PCDH11X: variants seen among roughly 807,000 people sequenced by gnomAD.
PCDH11X encodes protocadherin-11 X-linked.
In PCDH11X, 18 loss-of-function variants were observed where a neutral mutation model predicts 53.3. The observed-to-expected ratio is 0.34, with a 90% CI of 0.23 to 0.50. The LOEUF is 0.50. Among genes scored for constraint, PCDH11X ranks in the 20% least tolerant of loss-of-function variants. PCDH11X has a pLI of 0.98. For synonymous variants in PCDH11X, 279 were observed against 393.3 expected, an observed-to-expected ratio of 0.71 and a Z score of 3.44; for missense variants, 570 against 1,032.4, an observed-to-expected ratio of 0.55 and a Z score of 6.14.
chrX:92,443,447 G>T (rs1460391465), intron 9 of PCDH11X, among the ~76,000 whole-genome samples: 3 of 111,667 alleles, frequency 2.7e-5, no homozygotes, highest in African/African-American at 9.8e-5. Flanking sequence ...TGCATAGTTT[G>T]CAAATATTTT....
chrX:92,113,562 G>A (rs1262334996), intron 6 of PCDH11X: 64 of 1,196,504 alleles, frequency 5.3e-5, no homozygotes, highest in East Asian at 1.5e-4. Flanking sequence ...CATGCATGGC[G>A]GAGACAGTGA....
At chrX:91,967,289 G>A (rs1378082432) in intron 6 of PCDH11X, among the ~76,000 whole-genome samples, 2 of 110,150 alleles carry the variant, frequency 1.8e-5, no homozygotes, top group East Asian at 2.9e-4. Context: ...GCCATGGACC[G>A]GTACCTATCC....
intron 6 of PCDH11X, among the ~76,000 whole-genome samples, chrX:92,109,929 T>C (rs36074428): frequency 8.9e-6 from 1 of 112,459 alleles, no homozygotes; most frequent in Admixed American, 9.4e-5. Flanking sequence ...TTTGCAAAGA[T>C]AGTTTCAAGA....
At chrX:91,969,454 A>G (rs1489819486) in intron 6 of PCDH11X, among the ~76,000 whole-genome samples, 2 of 108,856 alleles carry the variant, frequency 1.8e-5, no homozygotes, top group Non-Finnish European at 3.8e-5. Flanking sequence ...GTAAAATTCA[A>G]GATATTGTTT....
rs1365683266 is a variant in PCDH11X at position 92,448,399 on chromosome X, C to A, written c.3344-19900C>A. 2.7e-4 allele frequency among the ~76,000 whole-genome samples: 21 copies of A among 77,262 alleles called. No individual in the cohort carries two copies. In the East Asian group the frequency reaches 8.5e-3, roughly 31 times the overall value. 67.1% of individuals were successfully genotyped at this position (77,262 alleles called of 115,157 possible). On this transcript the variant is annotated intron_variant, in intron 9 of 10. Transcript: ENST00000682573. ...GGGTGGGTCTTTCCTGCACTGTTCT[C>A]TTGGTACTGAATGAGTCTCACAAGA...
intron 8 of PCDH11X, among the ~76,000 whole-genome samples, chrX:92,342,358 C>A (rs1208523897): frequency 1.8e-5 from 2 of 109,377 alleles, no homozygotes; most frequent in Non-Finnish European, 3.8e-5. Context: ...TGAGTATAGA[C>A]CCAAAGGAAA....
intron 9 of PCDH11X, among the ~76,000 whole-genome samples, chrX:92,412,532 T>TAGATAG (rs776550665): frequency 1.1e-5 from 1 of 87,192 alleles, no homozygotes; most frequent in African/African-American, 4.9e-5. Context: ...TATATATATA[T>TAGATAG]ATATATATAT....
At chrX:91,823,921 C>A (rs1354917712) in intron 4 of PCDH11X, among the ~76,000 whole-genome samples, 1 of 110,164 alleles carries the variant, frequency 9.1e-6, no homozygotes, top group Non-Finnish European at 1.9e-5. Flanking sequence ...TTTTATTTCT[C>A]CTTCACTTAT....
At chrX:92,160,166 T>A (rs978134345) in intron 6 of PCDH11X, among the ~76,000 whole-genome samples, 4 of 109,790 alleles carry the variant, frequency 3.6e-5, no homozygotes, top group Non-Finnish European at 7.6e-5. Context: ...CTTTTTTTTT[T>A]AATTTCCATA....
chrX:92,241,301 T>C (rs1359830276), intron 7 of PCDH11X, among the ~76,000 whole-genome samples: 2 of 111,854 alleles, frequency 1.8e-5, no homozygotes. Context: ...ATATACATCA[T>C]ATAAAGTTCT....
chrX:92,338,798 A>G (rs1257068557), intron 8 of PCDH11X, among the ~76,000 whole-genome samples: 1 of 112,034 alleles, frequency 8.9e-6, no homozygotes, highest in Non-Finnish European at 1.9e-5. Context: ...CAGGTATCAG[A>G]GAAAATTTTA....
intron 6 of PCDH11X, among the ~76,000 whole-genome samples, chrX:92,044,108 T>A (rs2063248962): frequency 9.0e-6 from 1 of 110,761 alleles, no homozygotes; most frequent in Non-Finnish European, 1.9e-5. Flanking sequence ...AAATCAGGAT[T>A]TGAATTTTTT....
At chrX:92,552,939 A>C in intron 10 of PCDH11X, among the ~76,000 whole-genome samples, 1 of 102,006 alleles carries the variant, frequency 9.8e-6, no homozygotes, top group Admixed American at 1.1e-4. Flanking sequence ...GTTTGCTAGT[A>C]TTTTCTTGGA....
chrX:91,970,661 G>A (rs1206864911), intron 6 of PCDH11X, among the ~76,000 whole-genome samples: 5 of 111,789 alleles, frequency 4.5e-5, no homozygotes, highest in African/African-American at 9.8e-5. Context: ...ATAAAAGTTC[G>A]TAGTGCAGCA....
chrX:91,929,459 A>C (rs1381161312), intron 6 of PCDH11X, among the ~76,000 whole-genome samples: 1 of 110,479 alleles, frequency 9.1e-6, no homozygotes, highest in Admixed American at 9.7e-5. Flanking sequence ...ATCGAAGCCC[A>C]AAAATGCTAA....
intron 9 of PCDH11X, among the ~76,000 whole-genome samples, chrX:92,394,650 A>G (rs1211424359): frequency 4.5e-5 from 5 of 111,594 alleles, no homozygotes; most frequent in African/African-American, 1.6e-4. Flanking sequence ...CTTTGCCTAT[A>G]AGACAGACTA....
intron 6 of PCDH11X, among the ~76,000 whole-genome samples, chrX:91,903,247 C>T (rs1941018503): frequency 2.7e-5 from 3 of 111,463 alleles, no homozygotes; most frequent in Non-Finnish European, 5.6e-5. Context: ...GCTTAGCTGG[C>T]ATTCATCATA....
chrX:92,268,300 G>T (rs764967943), intron 8 of PCDH11X, among the ~76,000 whole-genome samples: 12 of 104,016 alleles, frequency 1.2e-4, no homozygotes, highest in East Asian at 9.3e-4. Context: ...AGTATGTTTT[G>T]TTTTTTTTTT....
intron 8 of PCDH11X, among the ~76,000 whole-genome samples, chrX:92,378,928 G>A (rs988325597): frequency 5.3e-5 from 6 of 113,130 alleles, no homozygotes; most frequent in African/African-American, 1.9e-4. Context: ...TAAATAATCT[G>A]AATCTTACTT....
Sources: gnomAD v4.1 joint callset for allele counts (sites outside exome capture counted in the v4.1 genomes callset) on GRCh38, gnomAD v4.1.1 for gene constraint, MANE v1.5 for transcripts, NCBI Gene and HGNC (gene_info 2026-07-23, HGNC 2026-07-21) for gene names.